Variants in IPO9 observed in about 807,000 individuals in gnomAD.
IPO9 encodes the protein importin-9.
A neutral mutation model predicts 128.6 loss-of-function variants in IPO9; 28 were observed. That is an observed-to-expected ratio of 0.22 (90% CI 0.16 to 0.30). The LOEUF (loss-of-function observed/expected upper bound fraction) is 0.30, where lower values mean the gene tolerates loss of function less well. IPO9 is among the 10% of genes least tolerant of loss of function. The pLI, the probability that IPO9 is intolerant of heterozygous loss-of-function variation, is 1.00. For synonymous variants in IPO9, 455 were observed against 475.8 expected (o/e 0.96, Z 0.57); for missense variants, 935 against 1,293.9 (o/e 0.72, Z 4.26).
intron 1 of IPO9, among the ~76,000 whole-genome samples, chr1:201,835,799 T>C (rs1679908744): frequency 6.6e-6 from 1 of 152,190 alleles, no homozygotes; most frequent in South Asian, 2.1e-4. Flanking sequence ...CTTTCTCATA[T>C]TTTTAAAGAC....
Position 201,854,620 on chromosome 1 carries a change from C to T in IPO9, c.716C>T (p.Pro239Leu). ...EKGAAKVLIF[P>L]VVQQFTEAFV... is the part of the protein sequence containing the mutation. ...GGTGCAGCCAAAGTCCTGATCTTTC[C>T]CGTGGTACAGCAGTTCACAGAGGCC... Residue 239 changes from proline to leucine, a missense_variant, in exon 7 of 24, where the codon CCC (proline) becomes CTC (leucine). Pro to Leu is a moderately conservative substitution (Grantham distance 98, BLOSUM62 -3). Transcript: ENST00000361565. 1 of 1,614,032 alleles carries T rather than the reference C, an allele frequency of 6.2e-7. No individual in the cohort carries two copies. The highest frequency in any genetic ancestry group is 1.3e-5 in the African/African-American group (1 of 75,002).
intron 13 of IPO9, among the ~76,000 whole-genome samples, chr1:201,859,207 A>ATATATATATATATATATATATATATAT (rs1491106859): frequency 2.6e-4 from 36 of 140,492 alleles, no homozygotes; most frequent in Non-Finnish European, 4.2e-4. Flanking sequence ...ATATATATAT[A>ATATATATATATATATATATATATATAT]AAGGAAACTC....
intron 19 of IPO9, among the ~76,000 whole-genome samples, chr1:201,872,570 A>C (rs983916526): frequency 6.6e-6 from 1 of 151,952 alleles, no homozygotes; most frequent in Non-Finnish European, 1.5e-5. Flanking sequence ...ACACCACTGC[A>C]CTCAGCCTGG....
rs1012937494 is a variant in IPO9, at chr1:201,829,240, T to G, written c.31T>G (p.Ser11Ala). 6.4e-7 allele frequency: 1 copy of G among 1,574,142 alleles called. No homozygotes were observed. Among genetic ancestry groups the G allele is most frequent in the Non-Finnish European group, 8.6e-7 (1 of 1,164,274 alleles). The change falls in exon 1 of 24, where the codon TCC (serine) becomes GCC (alanine). Residue 11 changes from serine (S) to alanine (A), a missense_variant. Around this residue, in one of 3 missense-constraint regions of IPO9, gnomAD observed 741 missense variants for 1,019.1 expected, o/e 0.73. Transcript: ENST00000361565. MAAAAAAGAA[S>A]GLPGPVAQGL... ...GGCGGCGGCGGCAGCTGGTGCGGCCTCCGGGCTGCCGGGTCCAGTGGCACA... is the reference window on the plus strand; with the variant it reads ...GGCGGCGGCGGCAGCTGGTGCGGCCGCCGGGCTGCCGGGTCCAGTGGCACA...
intron 16 of IPO9, among the ~76,000 whole-genome samples, chr1:201,869,237 C>T (rs1571555201): frequency 6.6e-6 from 1 of 152,050 alleles, no homozygotes; most frequent in Non-Finnish European, 1.5e-5. Context: ...GGTGACAGAG[C>T]GAGACTGCCT....
At chr1:201,871,934 C>T (rs1680660587) in intron 19 of IPO9, among the ~76,000 whole-genome samples, 1 of 152,126 alleles carries the variant, frequency 6.6e-6, no homozygotes, top group Non-Finnish European at 1.5e-5. Context: ...GCTTATTTTC[C>T]TTTATAAGCC....
intron 1 of IPO9, 200 bp downstream of exon 1, chr1:201,829,572 G>C (rs1679790683): frequency 4.7e-6 from 2 of 421,992 alleles, no homozygotes; most frequent in African/African-American, 4.2e-5. Flanking sequence ...ATAGGGTCGG[G>C]GGAGGTGGAG....
chr1:201,832,861 A>G (rs1179454606), intron 1 of IPO9, among the ~76,000 whole-genome samples: 2 of 152,216 alleles, frequency 1.3e-5, no homozygotes, highest in African/African-American at 4.8e-5. Flanking sequence ...TTGAAGATTA[A>G]ATGGAAGAAT....
chr1:201,869,680 C>A lies in IPO9; in HGVS notation c.2095C>A (p.Gln699Lys). ...CTGCCAAGCTTTCCCTGCTGTGGCACAGTGTACCCTTCACACAGATGACAA... is the reference window on the plus strand; with the variant it reads ...CTGCCAAGCTTTCCCTGCTGTGGCAAAGTGTACCCTTCACACAGATGACAA... ...LICQAFPAVA[Q>K]CTLHTDDNAT... The change falls in exon 17 of 24, where the codon CAG becomes AAG. Residue 699 changes from glutamine to lysine, a missense_variant. Transcript: ENST00000361565. 6.2e-7 allele frequency: 1 copy of A among 1,614,212 alleles called. No homozygotes were observed. The highest frequency in any genetic ancestry group is 8.5e-7 in the Non-Finnish European group (1 of 1,180,022).
intron 4 of IPO9, among the ~76,000 whole-genome samples, chr1:201,849,691 T>C (rs955351504): frequency 1.3e-5 from 2 of 152,210 alleles, no homozygotes; most frequent in Admixed American, 6.5e-5. Flanking sequence ...TCTTCTCCTT[T>C]TGTTTCAAAA....
chr1:201,865,206 T>TC (rs1680528391), intron 14 of IPO9, among the ~76,000 whole-genome samples: 2 of 150,942 alleles, frequency 1.3e-5, no homozygotes, highest in African/African-American at 4.9e-5. Flanking sequence ...TTTCTTTTTT[T>TC]TTTTTTTTTT....
chr1:201,862,496 A>G (rs1680468280), intron 13 of IPO9, among the ~76,000 whole-genome samples: 1 of 151,636 alleles, frequency 6.6e-6, no homozygotes, highest in African/African-American at 2.4e-5. Flanking sequence ...ATAAACTAGC[A>G]ATGGAGATGG....
chr1:201,852,989 T>TA (rs759529773), intron 5 of IPO9, 22 bp from the exon 6 acceptor site: 1 of 1,605,822 alleles, frequency 6.2e-7, no homozygotes, highest in Admixed American at 1.7e-5. Context: ...GCTATGCTGT[T>TA]ATGCTGTAAC....
At chr1:201,865,193 ATTTTTCTTTTTTTTTTTTT>A (rs1002251960) in intron 14 of IPO9, among the ~76,000 whole-genome samples, 1 of 118,084 alleles carries the variant, frequency 8.5e-6, no homozygotes, top group Non-Finnish European at 1.7e-5. Flanking sequence ...TATTGGAACT[ATTTTTCTTTTTTTTTTTTT>A]TTTTTCTTTT....
At chr1:201,847,375 C>A in intron 2 of IPO9, 35 bp downstream of exon 2, 1 of 1,582,654 alleles carries the variant, frequency 6.3e-7, no homozygotes, top group Non-Finnish European at 8.7e-7. Flanking sequence ...TAAATAGTTT[C>A]CCTTTCCTTG....
At chr1:201,873,322 G>A (rs1571557526) in intron 20 of IPO9, among the ~76,000 whole-genome samples, 1 of 151,690 alleles carries the variant, frequency 6.6e-6, no homozygotes, top group Admixed American at 6.6e-5. Flanking sequence ...GTGGGCGCCT[G>A]TAATCCCAGC....
At chr1:201,866,149 A>G (rs1034786978) in intron 14 of IPO9, among the ~76,000 whole-genome samples, 1 of 152,174 alleles carries the variant, frequency 6.6e-6, no homozygotes, top group Non-Finnish European at 1.5e-5. Context: ...TTATATATAT[A>G]TCCTGTGGCT....
Position 201,876,581 on chromosome 1 carries a change from T to G in IPO9, c.*527T>G. 1 of 190,552 alleles carries G rather than the reference T, an allele frequency of 5.2e-6. No homozygotes were observed. Among genetic ancestry groups the G allele is most frequent in the Non-Finnish European group, 1.1e-5 (1 of 89,702 alleles). The allele number at this position is 190,552 out of a possible 1,614,324, so 11.8% of individuals were successfully genotyped here. ...GCAAGAGCAGCTTCATTCTAAGCCT[T>G]TCCAGTGACCTCAGCCTTGCTTCTC... On this transcript the variant is annotated 3_prime_UTR_variant, in exon 24 of 24. Transcript: ENST00000361565.
Position 201,876,052 on chromosome 1 carries a change from T to TA in IPO9, c.*3dup. ...ERRVLQTIGI[*] Reference sequence around the variant, plus strand: ...GCGAGTTCTACAGACCATCGGCATCTAAAAAGGGGAGCCTTTCTACATTTG... The same window carrying TA: ...GCGAGTTCTACAGACCATCGGCATCTAAAAAAGGGGAGCCTTTCTACATTTG... The change falls in exon 24 of 24, where the codon TAA becomes TAAA. Residue 1042 remains the stop codon, a frameshift_variant and stop_retained_variant. Transcript: ENST00000361565. LOFTEE classifies it high-confidence loss of function. The TA allele has an allele frequency of 6.3e-7, 1 of 1,597,076 alleles. No individual in the cohort carries two copies. The highest frequency in any genetic ancestry group is 8.6e-7 in the Non-Finnish European group (1 of 1,164,508).
Sources: gnomAD v4.1 joint callset for allele counts (sites outside exome capture counted in the v4.1 genomes callset) on GRCh38, gnomAD v4.1.1 for gene constraint, gnomAD v4.1.1 regional missense constraint, MANE v1.5 for transcripts, NCBI Gene and HGNC (gene_info 2026-07-23, HGNC 2026-07-21) for gene names.